BMPR2: variants seen among roughly 807,000 people sequenced by gnomAD.
BMPR2 encodes bone morphogenetic protein receptor type-2.
A neutral mutation model predicts 100.8 loss-of-function variants in BMPR2; 29 were observed. That is an observed-to-expected ratio of 0.29 (90% CI 0.21 to 0.39). The LOEUF (loss-of-function observed/expected upper bound fraction) is 0.39. Ranked by LOEUF, BMPR2 falls within the 10% of genes least tolerant of loss-of-function variation. BMPR2 has a pLI of 1.00. For synonymous variants in BMPR2, 382 were observed against 442.3 expected (o/e 0.86, Z 1.71); for missense variants, 1,011 against 1,274.5 (o/e 0.79, Z 3.15).
At chr2:202,405,022 T>C (rs1428281799) in intron 1 of BMPR2, among the ~76,000 whole-genome samples, 2 of 152,022 alleles carry the variant, frequency 1.3e-5, no homozygotes, top group Non-Finnish European at 2.9e-5. Flanking sequence ...AGGGTCTCGC[T>C]ATGTTGCCCA....
intron 1 of BMPR2, among the ~76,000 whole-genome samples, chr2:202,420,588 CCAGGCTGGAGTA>C (rs1691241740): frequency 7.7e-6 from 1 of 130,152 alleles, no homozygotes; most frequent in African/African-American, 3.0e-5. Flanking sequence ...TTGCTGTCGT[CCAGGCTGGAGTA>C]CAGTGGCATG....
intron 1 of BMPR2, among the ~76,000 whole-genome samples, chr2:202,424,222 A>G (rs981998884): frequency 4.0e-5 from 6 of 150,938 alleles, no homozygotes; most frequent in African/African-American, 1.5e-4. Flanking sequence ...GAAAATGCAA[A>G]CGTTAGCTGG....
intron 1 of BMPR2, among the ~76,000 whole-genome samples, chr2:202,424,479 C>T (rs928760649): frequency 8.6e-5 from 13 of 150,920 alleles, no homozygotes; most frequent in African/African-American, 2.2e-4. Flanking sequence ...GGGTGGATCA[C>T]GAGGCCAGGA....
At position 202,377,415 on chromosome 2, in the gene BMPR2, C is replaced by T; in HGVS notation, c.-60C>T. 13 of 1,548,748 alleles carry T rather than the reference C, an allele frequency of 8.4e-6. No homozygotes were observed. Among genetic ancestry groups the T allele is most frequent in the Non-Finnish European group, 1.2e-5 (13 of 1,120,314 alleles). ...GAAGACGAGCCTCCCGGCTGTTTCT[C>T]CGCCGGTCTACTTCCCATATTTCTT... On this transcript the variant is annotated 5_prime_UTR_variant, in exon 1 of 13. Coordinates refer to ENST00000374580, the MANE Select transcript of BMPR2 (RefSeq NM_001204.7).
chr2:202,542,305 C>G lies in BMPR2; in HGVS notation c.1277-6C>G. ...TATTCTGTCATTCTTTTCTACAAAT[C>G]CACAGGGGAATCCGTACCAGAGTAC... On this transcript the variant is annotated splice_region_variant and splice_polypyrimidine_tract_variant and intron_variant, in intron 9 of 12. Coordinates refer to ENST00000374580, the MANE Select transcript of BMPR2 (RefSeq NM_001204.7). The G allele has an allele frequency of 1.2e-6, 2 of 1,613,580 alleles. No individual in the cohort carries two copies. The highest frequency in any genetic ancestry group is 8.5e-7 in the Non-Finnish European group (1 of 1,179,698).
At chr2:202,547,884 G>A (rs1363628755) in intron 10 of BMPR2, among the ~76,000 whole-genome samples, 1 of 151,090 alleles carries the variant, frequency 6.6e-6, no homozygotes. Flanking sequence ...AGGAGTTTTA[G>A]ACCAGCCTGG....
At chr2:202,402,319 C>T (rs1049603143) in intron 1 of BMPR2, among the ~76,000 whole-genome samples, 2 of 151,916 alleles carry the variant, frequency 1.3e-5, no homozygotes, top group Non-Finnish European at 2.9e-5. Context: ...GAGTTCAAGA[C>T]CAGCCTGACC....
At chr2:202,450,889 T>C (rs6747756) in intron 1 of BMPR2, among the ~76,000 whole-genome samples, 49,972 of 151,894 alleles carry the variant, frequency 0.33, 9,191 homozygotes, top group African/African-American at 0.5. Flanking sequence ...TGTATTTGTC[T>C]TGAGAAGTTT....
At chr2:202,397,720 G>C (rs896130188) in intron 1 of BMPR2, among the ~76,000 whole-genome samples, 1 of 151,320 alleles carries the variant, frequency 6.6e-6, no homozygotes, top group Admixed American at 6.6e-5. Context: ...GGCTAGCTTC[G>C]AACTTCTAAG....
intron 1 of BMPR2, among the ~76,000 whole-genome samples, chr2:202,412,065 TAGG>T (rs1006541289): frequency 2.8e-4 from 43 of 152,156 alleles, no homozygotes; most frequent in African/African-American, 9.9e-4. Context: ...TTGTTAATAT[TAGG>T]AGCAGCTGGG....
chr2:202,454,977 A>AC (rs909426493), intron 1 of BMPR2, among the ~76,000 whole-genome samples: 77 of 152,240 alleles, frequency 5.1e-4, no homozygotes, highest in African/African-American at 1.7e-3. Context: ...CTGTGTCCTC[A>AC]CATAGCACAG....
chr2:202,405,967 G>C (rs958802642), intron 1 of BMPR2, among the ~76,000 whole-genome samples: 13 of 152,018 alleles, frequency 8.6e-5, no homozygotes, highest in Non-Finnish European at 1.5e-4. Flanking sequence ...TTTTGTAGTT[G>C]CACTTGCATG....
chr2:202,501,625 G>A (rs1049624733), intron 3 of BMPR2, among the ~76,000 whole-genome samples: 4 of 152,138 alleles, frequency 2.6e-5, no homozygotes, highest in African/African-American at 9.7e-5. Flanking sequence ...TTGCAGCAGT[G>A]GCCATCTTAG....
At chr2:202,462,165 C>A (rs575186892) in intron 1 of BMPR2, among the ~76,000 whole-genome samples, 1 of 152,088 alleles carries the variant, frequency 6.6e-6, no homozygotes, top group East Asian at 1.9e-4. Context: ...AAGTAAAATA[C>A]CACTTCCACA....
intron 1 of BMPR2, among the ~76,000 whole-genome samples, chr2:202,408,042 C>T (rs1468181156): frequency 6.6e-6 from 1 of 151,856 alleles, no homozygotes; most frequent in East Asian, 2.0e-4. Context: ...ACCGTGTTAG[C>T]CAGGATGGTC....
intron 9 of BMPR2, among the ~76,000 whole-genome samples, chr2:202,538,661 G>T (rs1688209079): frequency 6.6e-6 from 1 of 151,952 alleles, no homozygotes; most frequent in Non-Finnish European, 1.5e-5. Context: ...GGGCTTGGTT[G>T]TGGGCACCTG....
intron 6 of BMPR2, among the ~76,000 whole-genome samples, chr2:202,519,641 C>T (rs1311165281): frequency 6.6e-6 from 1 of 152,166 alleles, no homozygotes; most frequent in African/African-American, 2.4e-5. Context: ...TCTGATGCAA[C>T]ATTCTTTTCT....
intron 3 of BMPR2, among the ~76,000 whole-genome samples, chr2:202,513,310 A>G (rs1479015873): frequency 6.6e-6 from 1 of 152,182 alleles, no homozygotes; most frequent in Non-Finnish European, 1.5e-5. Context: ...TACTTAGACT[A>G]CCATCTAAAT....
intron 1 of BMPR2, among the ~76,000 whole-genome samples, chr2:202,412,444 G>A (rs1174210079): frequency 2.0e-5 from 3 of 151,946 alleles, no homozygotes; most frequent in Non-Finnish European, 2.9e-5. Context: ...TCAGCCTCCC[G>A]AGTAGCTGGG....
Sources: gnomAD v4.1 joint callset for allele counts (sites outside exome capture counted in the v4.1 genomes callset) on GRCh38, gnomAD v4.1.1 for gene constraint, MANE v1.5 for transcripts, NCBI Gene and HGNC (gene_info 2026-07-23, HGNC 2026-07-21) for gene names.